The following ADAT2 variants were observed in gnomAD, a reference collection of about 807,000 sequenced individuals.
The protein encoded by ADAT2 is tRNA-specific adenosine-34 deaminase catalytic subunit ADAT2.
In ADAT2, 26 loss-of-function variants were observed where a neutral mutation model predicts 25.9. That is an observed-to-expected ratio of 1.00 (90% CI 0.74 to 1.39). The LOEUF is 1.39. ADAT2 is among the 40% of genes most tolerant of loss of function. ADAT2 has a pLI of 0.00. For missense variants in ADAT2, 220 were observed against 244.8 expected (o/e 0.90, Z 0.68); for synonymous variants, 76 against 86.8 (o/e 0.88, Z 0.69).
In ADAT2 at chr6:143,434,913, G is replaced by C. The variant is rs758782016; in HGVS notation, c.202-932C>G. Among the ~76,000 whole-genome samples, 14 of 152,096 alleles carry C rather than the reference G, an allele frequency of 9.2e-5. No homozygotes were observed. Among genetic ancestry groups the C allele is most frequent in the Non-Finnish European group, 1.9e-4 (13 of 68,034 alleles). ...CACTGGGCTAAATAAATTCTGTGTAGGATAAAAAGTCTCTGTCCTCAACAA... is the reference window on the plus strand; with the variant it reads ...CACTGGGCTAAATAAATTCTGTGTACGATAAAAAGTCTCTGTCCTCAACAA... On this transcript the variant is annotated intron_variant, in intron 2 of 5. Transcript: ENST00000237283. The surrounding 1 kb of genome is among the most constrained non-coding windows in gnomAD (Gnocchi z 4.5).
intron 1 of ADAT2, chr6:143,449,699 T>G (rs543813371): frequency 6.6e-6 from 1 of 152,332 alleles, no homozygotes; most frequent in East Asian, 1.9e-4. Context: ...TTAACTGGGA[T>G]AAAAGTTTGT....
Position 143,428,404 on chromosome 6 carries a change from C to T in ADAT2, c.*59G>A, listed in dbSNP as rs1583968202. 7 of 1,544,518 alleles carry T rather than the reference C, an allele frequency of 4.5e-6. No individual in the cohort carries two copies. In the Admixed American group the frequency reaches 1.2e-4, roughly 28 times the overall value. ...ATGATTCAACGATGTCAACAGCTTT[C>T]AGTCTATGAATCTTGTCCAGGTCAC... On this transcript the variant is annotated 3_prime_UTR_variant, in exon 6 of 6. Coordinates refer to ENST00000237283, the MANE Select transcript of ADAT2 (RefSeq NM_182503.3). The surrounding 1 kb of genome is among the most constrained non-coding windows in gnomAD (Gnocchi z 5.0).
chr6:143,428,717 G>C lies in ADAT2; in HGVS notation c.460-33C>G. The C allele has an allele frequency of 6.2e-7, 1 of 1,600,956 alleles. No homozygotes were observed. The highest frequency in any genetic ancestry group is 8.5e-7 in the Non-Finnish European group (1 of 1,169,640). ...AATGAGAAAGTTGAGAATAAACATA[G>C]GCCTATGAAAATGTGTGCTGTATCC... On this transcript the variant is annotated intron_variant, in intron 4 of 5. Coordinates refer to ENST00000237283, the MANE Select transcript of ADAT2 (RefSeq NM_182503.3). The surrounding 1 kb of genome is among the most constrained non-coding windows in gnomAD (Gnocchi z 5.0).
Position 143,432,606 on chromosome 6 carries a change from G to T in ADAT2, c.358C>A (p.Pro120Thr). The change falls in exon 4 of 6, where the codon CCG becomes ACG. Residue 120 changes from proline (P) to threonine (T), a missense_variant. By Grantham distance (38) the Pro-to-Thr change is conservative. Transcript: ENST00000237283. This position sits in a 1 kb window ranked among gnomAD's most constrained non-coding sequence, Gnocchi z 4.4. ...TTCTGACAGCCATATACAACCAGCGGGATTTATAAGACAGAATTAAGGTCC... is the reference window on the plus strand; with the variant it reads ...TTCTGACAGCCATATACAACCAGCGTGATTTATAAGACAGAATTAAGGTCC... ...CAAALRLMKI[P>T]LVVYGCQNER... 6.2e-7 allele frequency: 1 copy of T among 1,614,034 alleles called. No homozygotes were observed. Among genetic ancestry groups the T allele is most frequent in the Non-Finnish European group, 8.5e-7 (1 of 1,179,920 alleles).
intron 4 of ADAT2, among the ~76,000 whole-genome samples, chr6:143,430,040 C>A (rs9321906): frequency 0.28 from 42,470 of 151,896 alleles, 6,143 homozygotes; most frequent in Admixed American, 0.32. Context: ...GACCAAAACA[C>A]TTGCCTCCTT....
chr6:143,433,013 C>T (rs1028514927), intron 3 of ADAT2, among the ~76,000 whole-genome samples: 1 of 152,102 alleles, frequency 6.6e-6, no homozygotes, highest in African/African-American at 2.4e-5. Flanking sequence ...AAAATATAAC[C>T]TGTGCCCTAA....
chr6:143,438,216 A>G (rs1040141785), intron 2 of ADAT2, among the ~76,000 whole-genome samples: 9 of 152,162 alleles, frequency 5.9e-5, no homozygotes, highest in Non-Finnish European at 1.3e-4. Flanking sequence ...ATAAAATGAA[A>G]ATTTCATATA....
chr6:143,450,558 C>T lies in ADAT2; in HGVS notation c.96+5G>A. The T allele has an allele frequency of 1.9e-6, 3 of 1,614,104 alleles. No homozygotes were observed. The highest frequency in any genetic ancestry group is 1.3e-5 in the African/African-American group (1 of 75,054). On this transcript the variant is annotated splice_donor_5th_base_variant and intron_variant, in intron 1 of 5. Transcript: ENST00000237283. ...CCCGCAGCATCTACCTCCCGGGCTC[C>T]TCACCATGTGCATCGCCTCCTCCAT... is the stretch of plus-strand genomic sequence containing the variant.
At position 143,432,643 on chromosome 6, in the gene ADAT2, T is replaced by C. The variant is rs1383891332; in HGVS notation, c.353-32A>G. On this transcript the variant is annotated intron_variant, in intron 3 of 5. Transcript: ENST00000237283. This position sits in a 1 kb window ranked among gnomAD's most constrained non-coding sequence, Gnocchi z 4.4. ...CAGAATTAAGGTCCTGCATAGAATGTACATTTCAAGTATGTATCGTGACAA... is the reference window on the plus strand; with the variant it reads ...CAGAATTAAGGTCCTGCATAGAATGCACATTTCAAGTATGTATCGTGACAA... 1 of 1,600,778 alleles carries C rather than the reference T, an allele frequency of 6.2e-7. No homozygotes were observed.
rs1197676675 is a variant in ADAT2 at position 143,428,230 on chromosome 6, T to TC, written c.*232dup. 31 of 570,892 alleles carry TC rather than the reference T, an allele frequency of 5.4e-5. No individual in the cohort carries two copies. In the African/African-American group the frequency reaches 5.4e-4, roughly 10 times the overall value. The allele number at this position is 570,892 out of a possible 1,614,324, so 35.4% of individuals were successfully genotyped here. A position where few individuals can be genotyped will look rare whatever the true frequency, so the allele number is the denominator to read the frequency against. On this transcript the variant is annotated 3_prime_UTR_variant, in exon 6 of 6. Coordinates refer to ENST00000237283, the MANE Select transcript of ADAT2 (RefSeq NM_182503.3). The surrounding 1 kb of genome is among the most constrained non-coding windows in gnomAD (Gnocchi z 5.0). Reference sequence around the variant, plus strand: ...TTTCTAAAACCTCAAACCTTAATTTTCCCCCATCTTAAAATGGGAATCAGC... The same window carrying TC: ...TTTCTAAAACCTCAAACCTTAATTTTCCCCCCATCTTAAAATGGGAATCAGC...
chr6:143,443,517 C>T (rs1048116088), intron 1 of ADAT2, among the ~76,000 whole-genome samples: 67 of 151,978 alleles, frequency 4.4e-4, no homozygotes, highest in African/African-American at 1.4e-3. Flanking sequence ...GGTAACACAG[C>T]AAGACCCCAT....
rs1464011310 is a variant in ADAT2, at chr6:143,437,103, A to G, written c.201+1487T>C. Reference sequence around the variant, plus strand: ...TTTGGGGGGCTGACATATTAACTACAGATTTTCTATGCAGTGAACATGGTT... The same window carrying G: ...TTTGGGGGGCTGACATATTAACTACGGATTTTCTATGCAGTGAACATGGTT... On this transcript the variant is annotated intron_variant, in intron 2 of 5. Transcript: ENST00000237283. The surrounding 1 kb of genome is among the most constrained non-coding windows in gnomAD (Gnocchi z 4.1). Among the ~76,000 whole-genome samples the G allele has an allele frequency of 2.6e-5, 4 of 152,186 alleles. No homozygotes were observed. The highest frequency in any genetic ancestry group is 5.9e-5 in the Non-Finnish European group (4 of 68,028).
At chr6:143,435,153 A>AG (rs1779231372) in intron 2 of ADAT2, among the ~76,000 whole-genome samples, 1 of 107,628 alleles carries the variant, frequency 9.3e-6, no homozygotes, top group Non-Finnish European at 2.1e-5. Context: ...CTAAGTGGAG[A>AG]GTTTAAAAAA....
In ADAT2 at chr6:143,442,945, C is replaced by G. The variant is rs1344610363; in HGVS notation, c.97-4251G>C. Among the ~76,000 whole-genome samples, 6 of 152,274 alleles carry G rather than the reference C, an allele frequency of 3.9e-5. No individual in the cohort carries two copies. The highest frequency in any genetic ancestry group is 5.9e-5 in the Non-Finnish European group (4 of 68,024). ...TTTTTAACTCCAGCTATACTTTCCC[C>G]AACAAACCTCTTAAGAGAGGTAATG... is the stretch of plus-strand genomic sequence containing the variant. On this transcript the variant is annotated intron_variant, in intron 1 of 5. Transcript: ENST00000237283. The surrounding 1 kb of genome is among the most constrained non-coding windows in gnomAD (Gnocchi z 4.6).
intron 1 of ADAT2, among the ~76,000 whole-genome samples, chr6:143,447,962 C>A (rs1779644320): frequency 6.6e-6 from 1 of 152,156 alleles, no homozygotes; most frequent in Admixed American, 6.5e-5. Flanking sequence ...TTTATTGAGG[C>A]ACTATTCACA....
At chr6:143,430,632 G>A (rs1480117394) in intron 4 of ADAT2, among the ~76,000 whole-genome samples, 6 of 152,198 alleles carry the variant, frequency 3.9e-5, no homozygotes, top group Non-Finnish European at 8.8e-5. Context: ...CGCAATCTCG[G>A]CTCACTCACT....
Position 143,450,647 on chromosome 6 carries a change from C to T in ADAT2, c.12G>A (p.Lys4=), listed in dbSNP as rs373615779. 1.7e-5 allele frequency: 27 copies of T among 1,613,526 alleles called. No individual in the cohort carries two copies. In the South Asian group the frequency reaches 2.5e-4, roughly 15 times the overall value. Residue 4 remains lysine, a synonymous_variant, in exon 1 of 6, where the codon AAG becomes AAA. Coordinates refer to ENST00000237283, the MANE Select transcript of ADAT2 (RefSeq NM_182503.3). ...CGCTTGCAGCTGGCTTGGGTGCCGC[C>T]TTCGCCTCCATACCCAGCCACCACT... The part of the protein sequence containing the change: MEA[K]AAPKPAASGA...
chr6:143,423,872 G>T lies in ADAT2; in HGVS notation c.*4591C>A, dbSNP rs1289717026. 3 of 152,198 alleles carry T rather than the reference G, an allele frequency of 2.0e-5. No individual in the cohort carries two copies. Among genetic ancestry groups the T allele is most frequent in the Admixed American group, 1.3e-4 (2 of 15,280 alleles). 9.4% of individuals were successfully genotyped at this position (152,198 alleles called of 1,614,324 possible). A position where few individuals can be genotyped will look rare whatever the true frequency, so the allele number is the denominator to read the frequency against. On this transcript the variant is annotated 3_prime_UTR_variant, in exon 6 of 6. Transcript: ENST00000237283. ...ATTCTTGCTAAAGCTGGGCTGTATAGGCCCATCAAGAATGGGGGCCAAGGT... is the reference window on the plus strand; with the variant it reads ...ATTCTTGCTAAAGCTGGGCTGTATATGCCCATCAAGAATGGGGGCCAAGGT...
In ADAT2 at chr6:143,432,623, T is replaced by C; in HGVS notation, c.353-12A>G. 1 of 1,611,612 alleles carries C rather than the reference T, an allele frequency of 6.2e-7. No individual in the cohort carries two copies. Among genetic ancestry groups the C allele is most frequent in the Non-Finnish European group, 8.5e-7 (1 of 1,177,734 alleles). On this transcript the variant is annotated splice_polypyrimidine_tract_variant and intron_variant, in intron 3 of 5. Transcript: ENST00000237283. The surrounding 1 kb of genome is among the most constrained non-coding windows in gnomAD (Gnocchi z 4.4). ...AACCAGCGGGATTTATAAGACAGAA[T>C]TAAGGTCCTGCATAGAATGTACATT...
Sources: allele counts gnomAD v4.1 joint callset (sites outside exome capture counted in the v4.1 genomes callset), GRCh38; gene constraint gnomAD v4.1.1; non-coding constraint Gnocchi (gnomAD v3.1); transcripts MANE v1.5; gene names NCBI Gene and HGNC (gene_info 2026-07-23, HGNC 2026-07-21).